PLCL1: variants seen among roughly 807,000 people sequenced by gnomAD.
The protein encoded by PLCL1 is inactive phospholipase C-like protein 1.
Under a neutral mutation model 84.4 loss-of-function variants are expected in PLCL1, and 41 were observed. The observed-to-expected ratio is 0.49, with a 90% confidence interval of 0.38 to 0.63. The LOEUF (loss-of-function observed/expected upper bound fraction) is 0.63. Ranked by LOEUF, PLCL1 falls within the 30% of genes least tolerant of loss-of-function variation. PLCL1 has a pLI of 0.00. For missense variants in PLCL1, 1,206 were observed against 1,367.8 expected (o/e 0.88, Z 1.87); for synonymous variants, 490 against 488.3 (o/e 1.00, Z -0.05).
chr2:197,888,730 AT>A (rs1687963817), intron 1 of PLCL1, among the ~76,000 whole-genome samples: 3 of 152,178 alleles, frequency 2.0e-5, no homozygotes, highest in African/African-American at 7.2e-5. Flanking sequence ...GTCTTCAATT[AT>A]TTTTTGAAAG....
Position 197,872,856 on chromosome 2 carries a change from TTGCATAATAACC to T in PLCL1, c.240+67518_240+67529del, listed in dbSNP as rs1687672315. 2.0e-5 allele frequency among the ~76,000 whole-genome samples: 3 copies of T among 152,166 alleles called. No homozygotes were observed. The South Asian group carries it at 6.2e-4, about 32-fold the overall frequency. On this transcript the variant is annotated intron_variant, in intron 1 of 5. Transcript: ENST00000428675. ...AGGATGACAGGCTGAGTAAAATTATTTGCATAATAACCCACATTGATTAGGCTCTTAGTAGGC... is the reference window on the plus strand; with the variant it reads ...AGGATGACAGGCTGAGTAAAATTATTCACATTGATTAGGCTCTTAGTAGGC...
chr2:197,856,017 C>T (rs193029031), intron 1 of PLCL1, among the ~76,000 whole-genome samples: 100 of 152,312 alleles, frequency 6.6e-4, no homozygotes, highest in South Asian at 2.3e-3. Flanking sequence ...GCCATATCTA[C>T]AGCAAGTGTC....
intron 5 of PLCL1, among the ~76,000 whole-genome samples, chr2:198,144,572 A>AAG (rs1694471042): frequency 6.6e-6 from 1 of 152,202 alleles, no homozygotes; most frequent in Non-Finnish European, 1.5e-5. Flanking sequence ...TTAAATCATA[A>AAG]AGAGCTCTTC....
chr2:197,925,104 A>G (rs974006018), intron 1 of PLCL1, among the ~76,000 whole-genome samples: 1 of 152,198 alleles, frequency 6.6e-6, no homozygotes, highest in African/African-American at 2.4e-5. Flanking sequence ...GTAGTTCTCA[A>G]TAATCTTGAA....
chr2:198,138,137 C>G (rs559449059), intron 5 of PLCL1, among the ~76,000 whole-genome samples: 1 of 152,158 alleles, frequency 6.6e-6, no homozygotes. Context: ...TAAAGAACTA[C>G]GTGAAACTGG....
At chr2:197,972,302 C>A (rs561991290) in intron 1 of PLCL1, among the ~76,000 whole-genome samples, 1 of 152,280 alleles carries the variant, frequency 6.6e-6, no homozygotes, top group South Asian at 2.1e-4. Flanking sequence ...CTTGGAAAAT[C>A]TTTCCAAAAT....
chr2:197,828,559 C>T (rs987887814), intron 1 of PLCL1, among the ~76,000 whole-genome samples: 2 of 151,904 alleles, frequency 1.3e-5, no homozygotes, highest in Non-Finnish European at 2.9e-5. Context: ...TTCAATAATG[C>T]TAATTTTGAA....
At chr2:197,973,514 G>C (rs1228590813) in intron 1 of PLCL1, among the ~76,000 whole-genome samples, 1 of 152,182 alleles carries the variant, frequency 6.6e-6, no homozygotes, top group East Asian at 1.9e-4. Context: ...GTATAATTTA[G>C]TACAGAATGA....
intron 1 of PLCL1, among the ~76,000 whole-genome samples, chr2:198,074,609 A>G (rs575537262): frequency 6.6e-6 from 1 of 152,344 alleles, no homozygotes; most frequent in South Asian, 2.1e-4. Flanking sequence ...ACTGCACTCC[A>G]GCCTGAGCGA....
intron 1 of PLCL1, among the ~76,000 whole-genome samples, chr2:197,853,003 T>C (rs760694651): frequency 4.6e-5 from 7 of 152,184 alleles, no homozygotes; most frequent in African/African-American, 7.2e-5. Flanking sequence ...TCTATAGCCA[T>C]GAAACATAAA....
chr2:197,997,527 C>A (rs926042938), intron 1 of PLCL1, among the ~76,000 whole-genome samples: 6 of 151,908 alleles, frequency 3.9e-5, no homozygotes, highest in Non-Finnish European at 8.8e-5. Flanking sequence ...CGAGCTGGTC[C>A]CCACAATTCA....
intron 1 of PLCL1, among the ~76,000 whole-genome samples, chr2:198,012,566 A>G (rs1271540353): frequency 6.6e-6 from 1 of 151,904 alleles, no homozygotes; most frequent in Non-Finnish European, 1.5e-5. Context: ...ATTTAAGGTA[A>G]TTACTGATAG....
At chr2:197,956,671 G>A (rs1689501735) in intron 1 of PLCL1, among the ~76,000 whole-genome samples, 1 of 152,110 alleles carries the variant, frequency 6.6e-6, no homozygotes, top group Non-Finnish European at 1.5e-5. Flanking sequence ...CTGATGATCA[G>A]TGATGTCGAG....
At chr2:198,125,723 C>A (rs1230715651) in intron 5 of PLCL1, among the ~76,000 whole-genome samples, 1 of 151,944 alleles carries the variant, frequency 6.6e-6, no homozygotes, top group South Asian at 2.1e-4. Context: ...GGCTGCCACA[C>A]CTAAAGGTCA....
chr2:197,927,764 T>C lies in PLCL1; in HGVS notation c.240+122425T>C, dbSNP rs142446905. 1.1e-4 allele frequency among the ~76,000 whole-genome samples: 17 copies of C among 152,308 alleles called. No individual in the cohort carries two copies. The East Asian group carries it at 2.3e-3, about 21-fold the overall frequency. Reference sequence around the variant, plus strand: ...TTGATTCAAGTGTGCATGGGTGAGATACTAAGATGAAATAATTTGAGTGTC... The same window carrying C: ...TTGATTCAAGTGTGCATGGGTGAGACACTAAGATGAAATAATTTGAGTGTC... On this transcript the variant is annotated intron_variant, in intron 1 of 5. Coordinates refer to ENST00000428675, the MANE Select transcript of PLCL1 (RefSeq NM_006226.4).
rs775038855 is a variant in PLCL1, at chr2:197,878,960, A to T, written c.240+73621A>T. Reference sequence around the variant, plus strand: ...CAACATTTTAATAGGAAGATTTCACATATGGATCTGCATTTCTGCATTGTC... The same window carrying T: ...CAACATTTTAATAGGAAGATTTCACTTATGGATCTGCATTTCTGCATTGTC... On this transcript the variant is annotated intron_variant, in intron 1 of 5. Transcript: ENST00000428675. Among the ~76,000 whole-genome samples, 12 of 152,216 alleles carry T rather than the reference A, an allele frequency of 7.9e-5. 1 individual carries two copies. Among genetic ancestry groups the T allele is most frequent in the Non-Finnish European group, 1.8e-4 (12 of 68,030 alleles).
At chr2:197,991,024 C>A (rs992844942) in intron 1 of PLCL1, among the ~76,000 whole-genome samples, 7 of 152,008 alleles carry the variant, frequency 4.6e-5, no homozygotes, top group Admixed American at 2.6e-4. Flanking sequence ...CCATCGGGTG[C>A]CCAGATTAAA....
At chr2:197,930,756 C>T (rs997887781) in intron 1 of PLCL1, among the ~76,000 whole-genome samples, 5 of 152,130 alleles carry the variant, frequency 3.3e-5, no homozygotes, top group African/African-American at 1.2e-4. Context: ...TTGCTCCTAC[C>T]AGGACACATA....
At chr2:197,928,693 A>G (rs1308799290) in intron 1 of PLCL1, among the ~76,000 whole-genome samples, 2 of 152,186 alleles carry the variant, frequency 1.3e-5, no homozygotes. Context: ...TTTGATTTTA[A>G]AAAGGTGTTA....
Sources: allele counts gnomAD v4.1 joint callset (sites outside exome capture counted in the v4.1 genomes callset), GRCh38; gene constraint gnomAD v4.1.1; transcripts MANE v1.5; gene names NCBI Gene and HGNC (gene_info 2026-07-23, HGNC 2026-07-21).